Variants in RPH3AL observed in about 807,000 individuals in gnomAD.
The protein encoded by RPH3AL is rabphilin 3A like (without C2 domains), also known as rab effector Noc2.
A neutral mutation model predicts 43.1 loss-of-function variants in RPH3AL; 38 were observed. The observed-to-expected ratio is 0.88, with a 90% CI of 0.68 to 1.15. RPH3AL has a LOEUF of 1.15. RPH3AL is among the 50% of genes most tolerant of loss of function. The pLI is 0.00. For synonymous variants in RPH3AL, 189 were observed against 176.3 expected, an observed-to-expected ratio of 1.07 and a Z score of -0.57; for missense variants, 462 against 423.2, an observed-to-expected ratio of 1.09 and a Z score of -0.81.
intron 6 of RPH3AL, among the ~76,000 whole-genome samples, chr17:248,230 C>A (rs146637224): frequency 0.01 from 1,567 of 152,316 alleles, 16 homozygotes; most frequent in Middle Eastern, 0.024. Context: ...ATCGAGCCAC[C>A]CCCTCTTGCC....
intron 1 of RPH3AL, among the ~76,000 whole-genome samples, chr17:342,944 G>T (rs59543262): frequency 6.6e-6 from 1 of 152,146 alleles, no homozygotes; most frequent in Admixed American, 6.5e-5. Context: ...CAAGGAAATT[G>T]TTAGTGATGG....
At chr17:310,129 C>T (rs1259171441) in intron 5 of RPH3AL, among the ~76,000 whole-genome samples, 1 of 152,134 alleles carries the variant, frequency 6.6e-6, no homozygotes, top group Non-Finnish European at 1.5e-5. Flanking sequence ...GCCCAGCCTC[C>T]CCATGGCTAG....
rs372761475 is a variant in RPH3AL at position 258,757 on chromosome 17, G to GTTTTTT, written c.439-11478_439-11473dup. ...TCAGCCATTTTGGGATAGTCAACCC[G>GTTTTTT]TTTTTTTTTTTTTTTTTTTTTGAGA... is the stretch of plus-strand genomic sequence containing the variant. On this transcript the variant is annotated intron_variant, in intron 6 of 9. Coordinates refer to ENST00000331302, the MANE Select transcript of RPH3AL (RefSeq NM_006987.4). Among the ~76,000 whole-genome samples the GTTTTTT allele has an allele frequency of 1.5e-4, 15 of 98,756 alleles. 4 individuals are homozygous for GTTTTTT. Among genetic ancestry groups the GTTTTTT allele is most frequent in the African/African-American group, 1.5e-4 (4 of 26,784 alleles). 64.8% of individuals were successfully genotyped at this position (98,756 alleles called of 152,430 possible). A position where few individuals can be genotyped will look rare whatever the true frequency, so the allele number is the denominator to read the frequency against.
In RPH3AL at chr17:264,271, G is replaced by A. The variant is rs188263151; in HGVS notation, c.439-16986C>T. On this transcript the variant is annotated intron_variant, in intron 6 of 9. Transcript: ENST00000331302. The surrounding 1 kb of genome is among the most constrained non-coding windows in gnomAD (Gnocchi z 4.8). ...CTGGCTGACAGCAGGATTACCCTTC[G>A]GAGCCGCGAGCGCTGGATGGGGACT... Among the ~76,000 whole-genome samples, 14 of 150,998 alleles carry A rather than the reference G, an allele frequency of 9.3e-5. No individual in the cohort carries two copies. In the South Asian group the frequency reaches 2.1e-3, roughly 23 times the overall value.
intron 7 of RPH3AL, among the ~76,000 whole-genome samples, chr17:228,698 C>T (rs571644218): frequency 6.6e-6 from 1 of 152,284 alleles, no homozygotes; most frequent in East Asian, 1.9e-4. Flanking sequence ...TATTGCCAGA[C>T]ACCCCGCTTT....
intron 1 of RPH3AL, chr17:341,265 C>T (rs1473031082): frequency 6.6e-6 from 1 of 152,108 alleles, no homozygotes; most frequent in Non-Finnish European, 1.5e-5. Flanking sequence ...CTGGACCAAA[C>T]ACTCCCTCAG....
Position 281,865 on chromosome 17 carries a change from G to A in RPH3AL, c.352-11C>T, listed in dbSNP as rs1347546232. Reference sequence around the variant, plus strand: ...TTTGGTGCAGACTTTCTACAAGAGAGAGGACATGGGGTTGTAAAGATTGCA... The same window carrying A: ...TTTGGTGCAGACTTTCTACAAGAGAAAGGACATGGGGTTGTAAAGATTGCA... On this transcript the variant is annotated splice_polypyrimidine_tract_variant and intron_variant, in intron 5 of 9. Transcript: ENST00000331302. The A allele has an allele frequency of 1.9e-6, 3 of 1,609,926 alleles. No homozygotes were observed. Among genetic ancestry groups the A allele is most frequent in the South Asian group, 1.1e-5 (1 of 91,002 alleles).
At chr17:319,841 A>G (rs2044409856) in intron 4 of RPH3AL, among the ~76,000 whole-genome samples, 1 of 122,008 alleles carries the variant, frequency 8.2e-6, no homozygotes, top group Non-Finnish European at 1.7e-5. Flanking sequence ...TAAGCAAGAA[A>G]ACAAGCGAAC....
chr17:349,746 A>G (rs190207370), intron 1 of RPH3AL, among the ~76,000 whole-genome samples: 5 of 152,352 alleles, frequency 3.3e-5, no homozygotes, highest in African/African-American at 1.2e-4. Context: ...ACCTTAAGAC[A>G]TAACCTTCCA....
At chr17:308,954 T>A (rs2043567237) in intron 5 of RPH3AL, among the ~76,000 whole-genome samples, 1 of 152,078 alleles carries the variant, frequency 6.6e-6, no homozygotes, top group Admixed American at 6.6e-5. Context: ...TGCAGGCAGG[T>A]CACAAATCGC....
At chr17:350,420 G>A (rs532260630) in intron 1 of RPH3AL, among the ~76,000 whole-genome samples, 1 of 152,264 alleles carries the variant, frequency 6.6e-6, no homozygotes, top group South Asian at 2.1e-4. Flanking sequence ...GACCAGCCTG[G>A]CCAACATGGG....
At chr17:293,043 A>G (rs1367287025) in intron 5 of RPH3AL, among the ~76,000 whole-genome samples, 2 of 152,230 alleles carry the variant, frequency 1.3e-5, no homozygotes, top group East Asian at 3.9e-4. Flanking sequence ...CAGGGGAACC[A>G]GCCACTCAGG....
At chr17:332,050 G>A (rs1598149760) in intron 2 of RPH3AL, 3 of 395,290 alleles carry the variant, frequency 7.6e-6, no homozygotes, top group South Asian at 4.0e-5. Flanking sequence ...GGGAGCAGAG[G>A]CAGGAGGTTT....
chr17:218,762 C>A, intron 8 of RPH3AL, among the ~76,000 whole-genome samples: 1 of 152,334 alleles, frequency 6.6e-6, no homozygotes, highest in Admixed American at 6.5e-5. Context: ...ATCTCCAAGT[C>A]AGAAGGCGCT....
chr17:240,252 A>AAAAAAAAG, intron 7 of RPH3AL, among the ~76,000 whole-genome samples: 1 of 143,246 alleles, frequency 7.0e-6, no homozygotes, highest in Non-Finnish European at 1.5e-5. Context: ...AAAAAAAAAA[A>AAAAAAAAG]GGTTTTTTTG....
intron 5 of RPH3AL, among the ~76,000 whole-genome samples, chr17:314,775 C>G (rs1334842478): frequency 6.6e-6 from 1 of 152,202 alleles, no homozygotes; most frequent in Admixed American, 6.5e-5. Flanking sequence ...CTCTGTGACC[C>G]CACCTCCATT....
intron 5 of RPH3AL, among the ~76,000 whole-genome samples, chr17:307,033 C>A (rs1262598344): frequency 2.6e-5 from 4 of 152,128 alleles, no homozygotes; most frequent in Admixed American, 6.5e-5. Flanking sequence ...CACTCTGCAG[C>A]CCGGGGGCCT....
chr17:315,729 AC>A (rs2044062425), intron 5 of RPH3AL, among the ~76,000 whole-genome samples: 2 of 138,704 alleles, frequency 1.4e-5, no homozygotes, highest in African/African-American at 5.7e-5. Context: ...ACCTCTATTG[AC>A]CCGTAGTCTC....
intron 3 of RPH3AL, among the ~76,000 whole-genome samples, chr17:326,908 C>A (rs927043937): frequency 6.6e-6 from 1 of 152,216 alleles, no homozygotes; most frequent in Non-Finnish European, 1.5e-5. Flanking sequence ...AAGCAAGGAA[C>A]TAGCGAGATT....
Sources: allele counts gnomAD v4.1 joint callset (sites outside exome capture counted in the v4.1 genomes callset), GRCh38; gene constraint gnomAD v4.1.1; non-coding constraint Gnocchi (gnomAD v3.1); transcripts MANE v1.5; gene names NCBI Gene and HGNC (gene_info 2026-07-23, HGNC 2026-07-21).